Variants in SEMA6D observed in about 807,000 individuals in gnomAD.
The protein encoded by SEMA6D is semaphorin 6D, also known as semaphorin-6D.
Under a neutral mutation model 106.6 loss-of-function variants are expected in SEMA6D, and 35 were observed. That is an observed-to-expected ratio of 0.33 (90% CI 0.25 to 0.44). The LOEUF (loss-of-function observed/expected upper bound fraction) is 0.44. SEMA6D is among the 20% of genes least tolerant of loss of function. SEMA6D has a pLI of 1.00. For synonymous variants in SEMA6D, 499 were observed against 487.7 expected (o/e 1.02, Z -0.31); for missense variants, 1,185 against 1,345.9 (o/e 0.88, Z 1.87).
chr15:47,587,476 C>A (rs1307746486), intron 3 of SEMA6D, among the ~76,000 whole-genome samples: 1 of 152,206 alleles, frequency 6.6e-6, no homozygotes, highest in East Asian at 1.9e-4. Context: ...TATGTTGAAA[C>A]CCTTACAGTT....
At chr15:47,672,243 TC>T (rs2078151463) in intron 4 of SEMA6D, among the ~76,000 whole-genome samples, 1 of 152,196 alleles carries the variant, frequency 6.6e-6, no homozygotes, top group African/African-American at 2.4e-5. Flanking sequence ...CACTGTGCTT[TC>T]CTGCTAAGCA....
At chr15:47,250,542 T>A (rs1217250532) in intron 1 of SEMA6D, among the ~76,000 whole-genome samples, 1 of 146,522 alleles carries the variant, frequency 6.8e-6, no homozygotes, top group Non-Finnish European at 1.5e-5. Context: ...TTATGTATAT[T>A]TGTTTAAAAA....
chr15:47,246,211 G>C (rs1015155429), intron 1 of SEMA6D, among the ~76,000 whole-genome samples: 1 of 152,148 alleles, frequency 6.6e-6, no homozygotes, highest in Non-Finnish European at 1.5e-5. Context: ...ATAATCAAGG[G>C]ATAGAGATGC....
chr15:47,476,217 T>G lies in SEMA6D; in HGVS notation c.-87+5672T>G, dbSNP rs866892755. Among the ~76,000 whole-genome samples, 3 of 152,292 alleles carry G rather than the reference T, an allele frequency of 2.0e-5. No individual in the cohort carries two copies. In the South Asian group the frequency reaches 6.2e-4, roughly 32 times the overall value. On this transcript the variant is annotated intron_variant, in intron 3 of 19. Transcript: ENST00000558014. Reference sequence around the variant, plus strand: ...CTGGGAATTAGTTGAAGCATAGATTTCATGGAAAGATGAGTAGAGAAATGA... The same window carrying G: ...CTGGGAATTAGTTGAAGCATAGATTGCATGGAAAGATGAGTAGAGAAATGA...
chr15:47,266,894 A>C (rs1256148858), intron 1 of SEMA6D, among the ~76,000 whole-genome samples: 1 of 152,096 alleles, frequency 6.6e-6, no homozygotes, highest in African/African-American at 2.4e-5. Flanking sequence ...TTTTTGAATA[A>C]ATGTTTTCTC....
At chr15:47,321,262 T>C (rs2036911537) in intron 1 of SEMA6D, among the ~76,000 whole-genome samples, 1 of 152,226 alleles carries the variant, frequency 6.6e-6, no homozygotes, top group African/African-American at 2.4e-5. Context: ...CTAAATCATG[T>C]GCGACAGAAC....
intron 3 of SEMA6D, among the ~76,000 whole-genome samples, chr15:47,480,759 A>G (rs2043133174): frequency 6.6e-6 from 1 of 152,214 alleles, no homozygotes; most frequent in Non-Finnish European, 1.5e-5. Context: ...AACATTTTTG[A>G]GAAGACAGAG....
intron 2 of SEMA6D, among the ~76,000 whole-genome samples, chr15:47,456,564 ATTACTTCTAC>A (rs967160300): frequency 6.6e-6 from 1 of 152,064 alleles, no homozygotes; most frequent in African/African-American, 2.4e-5. Flanking sequence ...AAATGAAAAG[ATTACTTCTAC>A]TTTTAGCAGT....
chr15:47,454,091 TAC>T (rs2042271649), intron 2 of SEMA6D, among the ~76,000 whole-genome samples: 1 of 151,870 alleles, frequency 6.6e-6, no homozygotes, highest in African/African-American at 2.4e-5. Flanking sequence ...TTTAAAACAG[TAC>T]AGTTTTTCCA....
intron 1 of SEMA6D, chr15:47,399,528 A>G (rs2040327864): frequency 6.6e-6 from 1 of 152,216 alleles, no homozygotes. Flanking sequence ...TTCTGATCCT[A>G]CCAAATGTGG....
intron 3 of SEMA6D, among the ~76,000 whole-genome samples, chr15:47,544,995 C>A (rs2045473994): frequency 6.6e-6 from 1 of 152,034 alleles, no homozygotes; most frequent in African/African-American, 2.4e-5. Context: ...ATTAAAATTA[C>A]AGACTTATCT....
intron 3 of SEMA6D, among the ~76,000 whole-genome samples, chr15:47,482,468 TC>T (rs1280584495): frequency 6.6e-6 from 1 of 152,112 alleles, no homozygotes; most frequent in Non-Finnish European, 1.5e-5. Flanking sequence ...CCTTTACTGA[TC>T]AATTTCAGTA....
chr15:47,454,385 A>C (rs2042280826), intron 2 of SEMA6D, among the ~76,000 whole-genome samples: 1 of 151,952 alleles, frequency 6.6e-6, no homozygotes, highest in African/African-American at 2.4e-5. Flanking sequence ...ATACAATTTC[A>C]TGCCACAAAT....
At chr15:47,305,129 C>G (rs1045468233) in intron 1 of SEMA6D, among the ~76,000 whole-genome samples, 1 of 152,076 alleles carries the variant, frequency 6.6e-6, no homozygotes, top group African/African-American at 2.4e-5. Flanking sequence ...ATCAAATTAT[C>G]TAAGAGTAGG....
At chr15:47,593,621 T>C (rs945387448) in intron 3 of SEMA6D, among the ~76,000 whole-genome samples, 1 of 151,806 alleles carries the variant, frequency 6.6e-6, no homozygotes, top group African/African-American at 2.4e-5. Context: ...AAGTGGTATG[T>C]TAGTCTGTTT....
rs1285140489 is a variant in SEMA6D, at chr15:47,760,354, C to G, written c.160C>G (p.Gln54Glu). The G allele has an allele frequency of 1.2e-6, 2 of 1,613,686 alleles. No homozygotes were observed. Among genetic ancestry groups the G allele is most frequent in the Non-Finnish European group, 8.5e-7 (1 of 1,179,690 alleles). The change falls in exon 3 of 19, where the codon CAG (glutamine) becomes GAG (glutamate). Residue 54 changes from glutamine (Q) to glutamate (E), a missense_variant. Gln to Glu is a conservative substitution (Grantham distance 29). Transcript: ENST00000536845. ...AGGACGCCCTTCAGGCAATGAATCG[C>G]AGCACAGGCTGGACTTTCAGCTGAT... is the stretch of plus-strand genomic sequence containing the variant. ...FRGRPSGNES[Q>E]HRLDFQLMLK...
chr15:47,295,525 C>CT, intron 1 of SEMA6D, among the ~76,000 whole-genome samples: 1 of 152,070 alleles, frequency 6.6e-6, no homozygotes, highest in Non-Finnish European at 1.5e-5. Flanking sequence ...GATTACTCTC[C>CT]TAAAGAGATA....
At chr15:47,700,056 A>G (rs1222170144) in intron 4 of SEMA6D, among the ~76,000 whole-genome samples, 1 of 152,248 alleles carries the variant, frequency 6.6e-6, no homozygotes, top group Non-Finnish European at 1.5e-5. Context: ...TGAAATACTT[A>G]GATATAAATA....
chr15:47,308,469 C>T (rs1174657091), intron 1 of SEMA6D, among the ~76,000 whole-genome samples: 1 of 152,154 alleles, frequency 6.6e-6, no homozygotes, highest in Admixed American at 6.6e-5. Flanking sequence ...TACCTATAAT[C>T]TCTAAAATAA....
Sources: allele counts gnomAD v4.1 joint callset (sites outside exome capture counted in the v4.1 genomes callset), GRCh38; gene constraint gnomAD v4.1.1; transcripts MANE v1.5; gene names NCBI Gene and HGNC (gene_info 2026-07-23, HGNC 2026-07-21).